EPB41: variants seen among roughly 807,000 people sequenced by gnomAD.
The protein encoded by EPB41 is protein 4.1.
A neutral mutation model predicts 108.0 loss-of-function variants in EPB41; 65 were observed. The ratio of observed to expected loss-of-function variants is 0.60; its 90% CI spans 0.49 to 0.74. The LOEUF (loss-of-function observed/expected upper bound fraction) is 0.74. Ranked by LOEUF, EPB41 falls within the 30% of genes least tolerant of loss-of-function variation. EPB41 has a pLI of 0.00. For synonymous variants in EPB41, 336 were observed against 358.9 expected (o/e 0.94, Z 0.72); for missense variants, 875 against 1,037.0 (o/e 0.84, Z 2.15).
chr1:28,976,573 C>CA (rs1248853249), intron 1 of EPB41, among the ~76,000 whole-genome samples: 7 of 152,032 alleles, frequency 4.6e-5, no homozygotes, highest in Admixed American at 4.6e-4. Context: ...AGGATGGACT[C>CA]AAACTCCTGG....
intron 5 of EPB41, among the ~76,000 whole-genome samples, chr1:29,014,320 AAAAAT>A (rs1226231906): frequency 1.6e-4 from 25 of 152,294 alleles, no homozygotes; most frequent in South Asian, 2.1e-4. Flanking sequence ...TTCGTCTGAA[AAAAAT>A]AAAATAAAAT....
chr1:29,018,329 G>A lies in EPB41; in HGVS notation c.1011G>A (p.Leu337=). The stretch of plus-strand genomic sequence containing the variant: ...GTTCTTACACCATCCAGTCTGAACT[G>A]GGAGACTACGACCCAGAACTCCATG... ...LLGSYTIQSE[L]GDYDPELHGV... is the part of the protein sequence containing the mutation. Residue 337 remains leucine, a synonymous_variant, in exon 7 of 21, where the codon CTG becomes CTA. Transcript: ENST00000343067. The surrounding 1 kb of genome is among the most constrained non-coding windows in gnomAD (Gnocchi z 4.4). The A allele has an allele frequency of 4.3e-6, 7 of 1,614,114 alleles. No homozygotes were observed. Among genetic ancestry groups the A allele is most frequent in the South Asian group, 1.1e-5 (1 of 91,082 alleles).
At chr1:28,930,124 A>T (rs1436017706) in intron 1 of EPB41, among the ~76,000 whole-genome samples, 2 of 149,564 alleles carry the variant, frequency 1.3e-5, no homozygotes, top group African/African-American at 4.9e-5. Context: ...ATTTCATATA[A>T]ATAGAATTAT....
In EPB41 at chr1:29,060,869, GA is replaced by G. The variant is rs1646398125; in HGVS notation, c.2007+386del. ...TATTCTTTCATTTTCTGAATTAAGA[GA>G]GTGTGAAAAAGAAGGGAATTCAGAA... On this transcript the variant is annotated intron_variant, in intron 15 of 20. Coordinates refer to ENST00000343067, the MANE Select transcript of EPB41 (RefSeq NM_001376013.1). Among the ~76,000 whole-genome samples the G allele has an allele frequency of 2.0e-5, 3 of 152,128 alleles. No individual in the cohort carries two copies. The South Asian group carries it at 6.2e-4, about 32-fold the overall frequency.
chr1:28,929,468 G>C (rs1025793079), intron 1 of EPB41, among the ~76,000 whole-genome samples: 2 of 151,766 alleles, frequency 1.3e-5, no homozygotes, highest in African/African-American at 4.8e-5. Flanking sequence ...CTGACCTTGT[G>C]ATCCGCCCGC....
intron 11 of EPB41, among the ~76,000 whole-genome samples, chr1:29,048,768 A>G (rs1374782226): frequency 1.3e-5 from 2 of 152,210 alleles, no homozygotes; most frequent in African/African-American, 4.8e-5. Flanking sequence ...TTGAGCACTT[A>G]GTATGTTCCA....
At chr1:29,002,999 G>C (rs1572253485) in intron 4 of EPB41, among the ~76,000 whole-genome samples, 1 of 152,188 alleles carries the variant, frequency 6.6e-6, no homozygotes, top group East Asian at 1.9e-4. Context: ...GTTTCAGTTT[G>C]ATTATGTGGT....
At chr1:28,921,148 G>A (rs542229332) in intron 1 of EPB41, among the ~76,000 whole-genome samples, 8 of 152,236 alleles carry the variant, frequency 5.3e-5, no homozygotes, top group African/African-American at 1.9e-4. Flanking sequence ...GGTGATTTAT[G>A]AATACATAGT....
At position 28,993,325 on chromosome 1, in the gene EPB41, T is replaced by C. The variant is rs1342648501; in HGVS notation, c.469-5T>C. ...TACTGACTTGGCGATGTCATGGATA[T>C]GTAGCCTGCTCAGGAAGAACTCAGA... is the stretch of plus-strand genomic sequence containing the variant. On this transcript the variant is annotated splice_polypyrimidine_tract_variant and splice_region_variant and intron_variant, in intron 2 of 20. Transcript: ENST00000343067. 4 of 1,611,696 alleles carry C rather than the reference T, an allele frequency of 2.5e-6. No individual in the cohort carries two copies. Among genetic ancestry groups the C allele is most frequent in the African/African-American group, 1.3e-5 (1 of 74,876 alleles).
upstream of EPB41, among the ~76,000 whole-genome samples, chr1:28,909,714 T>A (rs1250896453): frequency 6.6e-6 from 1 of 151,780 alleles, no homozygotes; most frequent in Non-Finnish European, 1.5e-5. Flanking sequence ...GAGGCAGGAT[T>A]GCTGGAGCTC....
intron 11 of EPB41, among the ~76,000 whole-genome samples, chr1:29,039,701 C>T (rs1043875772): frequency 5.9e-5 from 9 of 152,066 alleles, no homozygotes; most frequent in Non-Finnish European, 1.3e-4. Context: ...GTAATCCCAG[C>T]TACTTGGGAG....
intron 3 of EPB41, among the ~76,000 whole-genome samples, chr1:28,994,772 C>T (rs1314593352): frequency 6.6e-6 from 1 of 150,836 alleles, no homozygotes; most frequent in East Asian, 2.0e-4. Flanking sequence ...GATCCTCCCA[C>T]CTCAGCCTCC....
At chr1:28,963,289 A>G (rs1037804641) in intron 1 of EPB41, among the ~76,000 whole-genome samples, 1 of 151,860 alleles carries the variant, frequency 6.6e-6, no homozygotes, top group African/African-American at 2.4e-5. Context: ...GAGAAATGCC[A>G]TTGGATCTGG....
At chr1:29,075,699 ATCC>A (rs1653754820) in intron 16 of EPB41, among the ~76,000 whole-genome samples, 2 of 152,204 alleles carry the variant, frequency 1.3e-5, no homozygotes, top group African/African-American at 4.8e-5. Context: ...TATTTATAAG[ATCC>A]TATCTCAATA....
chr1:28,966,571 T>C (rs2930841), intron 1 of EPB41, among the ~76,000 whole-genome samples: 25,818 of 152,084 alleles, frequency 0.17, 2,711 homozygotes, highest in East Asian at 0.48. Context: ...CCATATAGTA[T>C]GTCATTAAAG....
intron 1 of EPB41, among the ~76,000 whole-genome samples, chr1:28,903,896 T>G (rs986564973): frequency 6.6e-6 from 1 of 151,978 alleles, no homozygotes; most frequent in African/African-American, 2.4e-5. Flanking sequence ...AGACAGAGTC[T>G]CACTCTGTTG....
chr1:29,065,970 A>G (rs2151019690), intron 16 of EPB41: 1 of 152,420 alleles, frequency 6.6e-6, no homozygotes, highest in East Asian at 1.9e-4. Context: ...CTGTCTCAAA[A>G]AAAAAAAAAA....
intron 1 of EPB41, among the ~76,000 whole-genome samples, chr1:28,982,109 T>C (rs567008357): frequency 1.3e-3 from 191 of 152,162 alleles, no homozygotes; most frequent in African/African-American, 4.2e-3. Context: ...GTGTTCTCGT[T>C]GTTCAATTCC....
chr1:28,887,490 C>A lies in EPB41; in HGVS notation c.-8+280C>A, dbSNP rs752768807. ...GGAGCTAGACACGTCCGGGTCCGGC[C>A]GGTCCTGGCTGTCTGGGGCGGGGGT... On this transcript the variant is annotated intron_variant, in intron 1 of 16. Transcript: ENST00000347529. The surrounding 1 kb of genome is among the most constrained non-coding windows in gnomAD (Gnocchi z 4.9). 25 of 985,060 alleles carry A rather than the reference C, an allele frequency of 2.5e-5. No individual in the cohort carries two copies. The highest frequency in any genetic ancestry group is 3.5e-5 in the African/African-American group (2 of 57,164). The allele number at this position is 985,060 out of a possible 1,614,324, so 61.0% of individuals were successfully genotyped here. A position where few individuals can be genotyped will look rare whatever the true frequency, so the allele number is the denominator to read the frequency against.
Sources: allele counts gnomAD v4.1 joint callset (sites outside exome capture counted in the v4.1 genomes callset), GRCh38; gene constraint gnomAD v4.1.1; non-coding constraint Gnocchi (gnomAD v3.1); transcripts MANE v1.5; gene names NCBI Gene and HGNC (gene_info 2026-07-23, HGNC 2026-07-21).